ZFAND3: variants seen among roughly 807,000 people sequenced by gnomAD.
ZFAND3 encodes AN1-type zinc finger protein 3.
Under a neutral mutation model 29.6 loss-of-function variants are expected in ZFAND3, and 10 were observed. The ratio of observed to expected loss-of-function variants is 0.34; its 90% CI spans 0.21 to 0.57. The LOEUF (loss-of-function observed/expected upper bound fraction) is 0.57, where lower values mean the gene tolerates loss of function less well. Ranked by LOEUF, ZFAND3 falls within the 20% of genes least tolerant of loss-of-function variation. The pLI is 0.86. For synonymous variants in ZFAND3, 128 were observed against 112.6 expected (o/e 1.14, Z -0.87); for missense variants, 230 against 304.5 (o/e 0.76, Z 1.82).
intron 3 of ZFAND3, among the ~76,000 whole-genome samples, chr6:38,081,442 A>G (rs764271560): frequency 1.3e-4 from 20 of 152,134 alleles, no homozygotes; most frequent in Non-Finnish European, 2.5e-4. Context: ...GAGCTCTTTC[A>G]TCTTTCCCTC....
intron 2 of ZFAND3, among the ~76,000 whole-genome samples, chr6:38,050,235 G>A (rs142724753): frequency 2.6e-5 from 4 of 152,018 alleles, no homozygotes; most frequent in East Asian, 3.9e-4. Flanking sequence ...GATTACAAGC[G>A]TGAGTCACCG....
intron 2 of ZFAND3, among the ~76,000 whole-genome samples, chr6:38,033,713 AATTGAAACT>A (rs1433880901): frequency 1.3e-5 from 2 of 152,182 alleles, no homozygotes; most frequent in African/African-American, 4.8e-5. Flanking sequence ...CTGTGCCTTG[AATTGAAACT>A]CCTTCTATCT....
chr6:37,829,534 C>T (rs1420306759), intron 1 of ZFAND3, among the ~76,000 whole-genome samples: 3 of 151,934 alleles, frequency 2.0e-5, no homozygotes, highest in African/African-American at 7.3e-5. Context: ...GACTCCGGCT[C>T]GAAAAATGAA....
intron 4 of ZFAND3, among the ~76,000 whole-genome samples, chr6:38,108,595 G>A (rs1028372603): frequency 6.6e-6 from 1 of 152,200 alleles, no homozygotes; most frequent in Admixed American, 6.5e-5. Context: ...GGCGCAGAAA[G>A]AAGAAAGTGG....
chr6:38,019,030 T>G (rs1411993782), intron 2 of ZFAND3, among the ~76,000 whole-genome samples: 1 of 152,130 alleles, frequency 6.6e-6, no homozygotes, highest in Non-Finnish European at 1.5e-5. Flanking sequence ...TGGCGCCATC[T>G]GGGCTCACTG....
At position 38,044,227 on chromosome 6, in the gene ZFAND3, C is replaced by T. The variant is rs60425175; in HGVS notation, c.113-17366C>T. ...TTCTCCTTTAAACTGACCCTTTTCA[C>T]ACTTTTCCTTACACCCATAGCAGTA... On this transcript the variant is annotated intron_variant, in intron 2 of 5. Transcript: ENST00000287218. 0.017 allele frequency among the ~76,000 whole-genome samples: 2,535 copies of T among 152,296 alleles called. 254 individuals carry two copies. The East Asian group carries it at 0.28, about 17-fold the overall frequency.
intron 1 of ZFAND3, among the ~76,000 whole-genome samples, chr6:37,923,455 T>G (rs996166826): frequency 6.6e-6 from 1 of 152,162 alleles, no homozygotes; most frequent in African/African-American, 2.4e-5. Flanking sequence ...TGCCTTCTTC[T>G]GGATACCTCC....
chr6:37,926,670 C>T (rs975549596), intron 1 of ZFAND3, among the ~76,000 whole-genome samples: 1 of 152,156 alleles, frequency 6.6e-6, no homozygotes, highest in African/African-American at 2.4e-5. Context: ...AGCCATTATT[C>T]AACCTACTAC....
chr6:38,068,587 T>G (rs752365328), intron 3 of ZFAND3, among the ~76,000 whole-genome samples: 1 of 152,206 alleles, frequency 6.6e-6, no homozygotes, highest in Non-Finnish European at 1.5e-5. Flanking sequence ...GTTTAGATAG[T>G]GACCCTCCTT....
intron 3 of ZFAND3, among the ~76,000 whole-genome samples, chr6:38,078,160 G>T (rs557327436): frequency 3.8e-4 from 58 of 152,306 alleles, no homozygotes; most frequent in African/African-American, 1.2e-3. Flanking sequence ...ATTTCTACTT[G>T]TTGGGAATAC....
At chr6:38,048,158 A>C (rs1763944103) in intron 2 of ZFAND3, among the ~76,000 whole-genome samples, 1 of 151,818 alleles carries the variant, frequency 6.6e-6, no homozygotes, top group Admixed American at 6.6e-5. Context: ...GGCGCGCACC[A>C]TTATGCCTGG....
At chr6:37,934,838 C>T (rs1255498651) in intron 2 of ZFAND3, among the ~76,000 whole-genome samples, 1 of 70,606 alleles carries the variant, frequency 1.4e-5, no homozygotes, top group Non-Finnish European at 2.5e-5. Context: ...GACTCTGTCT[C>T]AAAAAAAAAA....
intron 3 of ZFAND3, among the ~76,000 whole-genome samples, chr6:38,067,519 A>G (rs1413275802): frequency 6.6e-6 from 1 of 152,236 alleles, no homozygotes; most frequent in Non-Finnish European, 1.5e-5. Flanking sequence ...CATGCAAATT[A>G]GGCTATACAG....
chr6:37,972,820 G>C (rs1223384728), intron 2 of ZFAND3, among the ~76,000 whole-genome samples: 1 of 151,876 alleles, frequency 6.6e-6, no homozygotes, highest in Admixed American at 6.6e-5. Flanking sequence ...GATTAGAGTA[G>C]ATTTATTTAT....
At chr6:38,041,362 T>A (rs1034756943) in intron 2 of ZFAND3, among the ~76,000 whole-genome samples, 2 of 152,174 alleles carry the variant, frequency 1.3e-5, no homozygotes, top group African/African-American at 4.8e-5. Context: ...ACTAGTTTTT[T>A]TTAGCATCTA....
At chr6:37,998,980 G>A (rs1447314841) in intron 2 of ZFAND3, among the ~76,000 whole-genome samples, 3 of 152,158 alleles carry the variant, frequency 2.0e-5, no homozygotes, top group Non-Finnish European at 4.4e-5. Context: ...ATTATATGTA[G>A]CACCTAGATC....
At chr6:38,112,796 C>A (rs746090808) in intron 4 of ZFAND3, among the ~76,000 whole-genome samples, 2 of 152,142 alleles carry the variant, frequency 1.3e-5, no homozygotes, top group African/African-American at 4.8e-5. Context: ...AAGCAACTCG[C>A]CCTGTGGCAC....
intron 2 of ZFAND3, among the ~76,000 whole-genome samples, chr6:38,007,412 G>A (rs1387183951): frequency 6.6e-6 from 1 of 151,966 alleles, no homozygotes; most frequent in Non-Finnish European, 1.5e-5. Flanking sequence ...CCGGCATGAT[G>A]GTATATTCCT....
At chr6:38,095,446 A>G (rs1455908495) in intron 4 of ZFAND3, among the ~76,000 whole-genome samples, 2 of 151,208 alleles carry the variant, frequency 1.3e-5, no homozygotes, top group South Asian at 4.2e-4. Context: ...TTTTTTCTAC[A>G]GTATTTGGTT....
Sources: gnomAD v4.1 joint callset for allele counts (sites outside exome capture counted in the v4.1 genomes callset) on GRCh38, gnomAD v4.1.1 for gene constraint, MANE v1.5 for transcripts, NCBI Gene and HGNC (gene_info 2026-07-23, HGNC 2026-07-21) for gene names.